The following GNAT3 variants were observed in gnomAD, a reference collection of about 807,000 sequenced individuals.
The protein encoded by GNAT3 is guanine nucleotide-binding protein G(t) subunit alpha-3.
In GNAT3, 31 loss-of-function variants were observed where a neutral mutation model predicts 37.7. That is an observed-to-expected ratio of 0.82 (90% confidence interval 0.62 to 1.11). GNAT3 has a LOEUF of 1.11. GNAT3 is among the 50% of genes most tolerant of loss of function. GNAT3 has a pLI of 0.00. For missense variants in GNAT3, 437 were observed against 412.5 expected, an observed-to-expected ratio of 1.06 and a Z score of -0.51; for synonymous variants, 138 against 139.8, an observed-to-expected ratio of 0.99 and a Z score of 0.09.
chr7:80,475,752 G>A (rs1171763072), intron 4 of GNAT3, among the ~76,000 whole-genome samples: 1 of 152,052 alleles, frequency 6.6e-6, no homozygotes, highest in Admixed American at 6.6e-5. Context: ...TATTCTTGGA[G>A]GATCTTTTTC....
At chr7:80,508,862 T>C (rs6467217) in intron 1 of GNAT3, among the ~76,000 whole-genome samples, 29,374 of 151,954 alleles carry the variant, frequency 0.19, 4,564 homozygotes, top group African/African-American at 0.43. Context: ...AGTTTAAGCT[T>C]CTAGAAATTC....
chr7:80,469,184 A>G (rs1790169995), intron 5 of GNAT3, among the ~76,000 whole-genome samples: 2 of 152,176 alleles, frequency 1.3e-5, no homozygotes, highest in Admixed American at 6.6e-5. Context: ...AGTTTCTTTT[A>G]TATCATAGAT....
intron 6 of GNAT3, 93 bp from the exon 7 acceptor site, chr7:80,462,405 T>C: frequency 6.4e-7 from 1 of 1,555,510 alleles, no homozygotes; most frequent in Non-Finnish European, 8.8e-7. Flanking sequence ...CTAACATAAA[T>C]CTTTGGCAAA....
intron 1 of GNAT3, among the ~76,000 whole-genome samples, chr7:80,501,612 T>TC (rs1790835309): frequency 6.6e-6 from 1 of 152,004 alleles, no homozygotes; most frequent in Non-Finnish European, 1.5e-5. Flanking sequence ...CTTTCTTTTG[T>TC]CGTTATGCTT....
chr7:80,474,222 C>G (rs1790266096), intron 5 of GNAT3, 29 bp downstream of exon 5: 1 of 1,594,782 alleles, frequency 6.3e-7, no homozygotes. Flanking sequence ...ATACTTCTGT[C>G]TACAGTTAGA....
chr7:80,489,160 T>C (rs1790544288), intron 2 of GNAT3, among the ~76,000 whole-genome samples: 1 of 152,094 alleles, frequency 6.6e-6, no homozygotes, highest in Admixed American at 6.5e-5. Context: ...GGCATCTTTT[T>C]TAGTACACGT....
chr7:80,507,135 G>A (rs951550681), intron 1 of GNAT3, among the ~76,000 whole-genome samples: 2 of 151,876 alleles, frequency 1.3e-5, no homozygotes, highest in Admixed American at 6.6e-5. Context: ...GGGACTTATT[G>A]GTTAATCCTA....
intron 4 of GNAT3, among the ~76,000 whole-genome samples, chr7:80,476,018 TATTA>T (rs1181798039): frequency 2.0e-5 from 3 of 152,120 alleles, no homozygotes; most frequent in Non-Finnish European, 2.9e-5. Flanking sequence ...GTGAATTTTC[TATTA>T]ATTAAGTCTG....
intron 2 of GNAT3, among the ~76,000 whole-genome samples, chr7:80,492,132 C>A (rs1434901310): frequency 6.6e-6 from 1 of 150,968 alleles, no homozygotes; most frequent in Non-Finnish European, 1.5e-5. Context: ...GAGTTCGAGA[C>A]CAGCCTGGCC....
At position 80,458,863 on chromosome 7, in the gene GNAT3, T is replaced by C; in HGVS notation, c.875-2A>G. On this transcript the variant is annotated splice_acceptor_variant, in intron 7 of 7. Transcript: ENST00000398291. LOFTEE classifies it high-confidence loss of function. ...CTGCATCTTCAAATGTATTTGGCCC[T>C]TGTTAAACAAAATATTTGAAGAAGT... 6.5e-7 allele frequency: 1 copy of C among 1,548,704 alleles called. No individual in the cohort carries two copies. Among genetic ancestry groups the C allele is most frequent in the Non-Finnish European group, 8.7e-7 (1 of 1,148,094 alleles).
chr7:80,497,596 ATATACATATACG>A (rs1790749106), intron 1 of GNAT3, among the ~76,000 whole-genome samples: 1 of 121,944 alleles, frequency 8.2e-6, no homozygotes, highest in Middle Eastern at 3.6e-3. Context: ...ACATATACGT[ATATACATATACG>A]TATATACATA....
At chr7:80,505,894 T>C (rs1035553862) in intron 1 of GNAT3, among the ~76,000 whole-genome samples, 4 of 152,214 alleles carry the variant, frequency 2.6e-5, no homozygotes, top group Non-Finnish European at 5.9e-5. Context: ...TGCACACCAG[T>C]ATTTGGAGAA....
chr7:80,467,907 G>T (rs1790151471), intron 5 of GNAT3, among the ~76,000 whole-genome samples: 1 of 151,574 alleles, frequency 6.6e-6, no homozygotes. Context: ...GTCCTCATTT[G>T]GGATTTTGTG....
intron 3 of GNAT3, among the ~76,000 whole-genome samples, chr7:80,483,461 C>T (rs1186587180): frequency 2.0e-5 from 3 of 152,100 alleles, no homozygotes; most frequent in African/African-American, 4.8e-5. Flanking sequence ...TTAGCTTCCT[C>T]ATAACGGCCA....
intron 1 of GNAT3, among the ~76,000 whole-genome samples, chr7:80,496,558 A>G (rs1292898960): frequency 6.6e-6 from 1 of 152,158 alleles, no homozygotes. Flanking sequence ...AATAATTCAT[A>G]TATTATTTAA....
At position 80,486,371 on chromosome 7, in the gene GNAT3, G is replaced by T. The variant is rs898443208; in HGVS notation, c.303+2164C>A. 2.0e-5 allele frequency: 3 copies of T among 151,838 alleles called. No individual in the cohort carries two copies. In the East Asian group the frequency reaches 5.8e-4, roughly 29 times the overall value. The allele number at this position is 151,838 out of a possible 1,614,324, so 9.4% of individuals were successfully genotyped here. ...TTATTTTTTAATTAGCATGATGGCA[G>T]CAATGTGTAGAGTTTATTATTTTCA... On this transcript the variant is annotated intron_variant, in intron 3 of 7. Transcript: ENST00000398291.
At chr7:80,468,132 C>A (rs1469855602) in intron 5 of GNAT3, among the ~76,000 whole-genome samples, 1 of 151,962 alleles carries the variant, frequency 6.6e-6, no homozygotes, top group South Asian at 2.1e-4. Flanking sequence ...ACAGGGCAAA[C>A]CATCAGAGTT....
intron 3 of GNAT3, chr7:80,487,804 A>G (rs1293412944): frequency 1.3e-5 from 2 of 151,652 alleles, no homozygotes; most frequent in African/African-American, 4.8e-5. Flanking sequence ...TGTGGATTCT[A>G]CTCCGTTACT....
chr7:80,460,750 G>GAA (rs56351101), intron 7 of GNAT3, among the ~76,000 whole-genome samples: 14 of 144,892 alleles, frequency 9.7e-5, no homozygotes, highest in South Asian at 2.2e-4. Flanking sequence ...TCCATCTCAA[G>GAA]AAAAAAAAAA....
Sources: gnomAD v4.1 joint callset for allele counts (sites outside exome capture counted in the v4.1 genomes callset) on GRCh38, gnomAD v4.1.1 for gene constraint, MANE v1.5 for transcripts, NCBI Gene and HGNC (gene_info 2026-07-23, HGNC 2026-07-21) for gene names.